Variants in TNFRSF11B observed in about 807,000 individuals in gnomAD.
The protein encoded by TNFRSF11B is TNF receptor superfamily member 11b.
In TNFRSF11B, 16 loss-of-function variants were observed where a neutral mutation model predicts 43.4. That is an observed-to-expected ratio of 0.37 (90% confidence interval 0.25 to 0.56). TNFRSF11B has a LOEUF of 0.56. Among genes scored for constraint, TNFRSF11B ranks in the 20% least tolerant of loss-of-function variants. The pLI is 0.80. For missense variants in TNFRSF11B, 444 were observed against 490.1 expected (o/e 0.91, Z 0.89); for synonymous variants, 185 against 181.8 (o/e 1.02, Z -0.14).
At chr8:118,939,566 G>A (rs141056192) in intron 1 of TNFRSF11B, among the ~76,000 whole-genome samples, 1 of 152,226 alleles carries the variant, frequency 6.6e-6, no homozygotes, top group Non-Finnish European at 1.5e-5. Context: ...GGAAGCAATC[G>A]AAGAGCACAT....
At position 118,933,028 on chromosome 8, in the gene TNFRSF11B, G is replaced by T. The variant is rs780363937; in HGVS notation, c.303C>A (p.His101Gln). Residue 101 changes from histidine to glutamine, a missense_variant, in exon 2 of 5, where the codon CAC becomes CAA. By Grantham distance (24) the His-to-Gln change is conservative. Coordinates refer to ENST00000297350, the MANE Select transcript of TNFRSF11B (RefSeq NM_002546.4). ...QYVKQECNRT[H>Q]NRVCECKEGR... The stretch of plus-strand genomic sequence containing the variant: ...CTTCCTTGCATTCGCACACGCGGTT[G>T]TGGGTGCGATTGCACTCCTGCTTGA... The T allele has an allele frequency of 6.2e-7, 1 of 1,614,176 alleles. No homozygotes were observed. The highest frequency in any genetic ancestry group is 1.1e-5 in the South Asian group (1 of 91,080).
chr8:118,924,301 G>A lies in TNFRSF11B; in HGVS notation c.*73C>T. On this transcript the variant is annotated 3_prime_UTR_variant, in exon 5 of 5. Coordinates refer to ENST00000297350, the MANE Select transcript of TNFRSF11B (RefSeq NM_002546.4). ...AGAAAGATATCACTGAAAGCCTCAA[G>A]TGCCTGAGAAACAGTTTACTCATCC... 6.4e-7 allele frequency: 1 copy of A among 1,558,730 alleles called. No individual in the cohort carries two copies. Among genetic ancestry groups the A allele is most frequent in the Non-Finnish European group, 8.8e-7 (1 of 1,134,010 alleles).
chr8:118,928,932 A>G lies in TNFRSF11B; in HGVS notation c.401-3T>C. 1 of 1,614,072 alleles carries G rather than the reference A, an allele frequency of 6.2e-7. No homozygotes were observed. The highest frequency in any genetic ancestry group is 1.1e-5 in the South Asian group (1 of 91,084). On this transcript the variant is annotated splice_region_variant and splice_polypyrimidine_tract_variant and intron_variant, in intron 2 of 4. Transcript: ENST00000297350. ...AACTGTATTTCGCTCTGGGGTTCCT[A>G]CAGAAAATACCAAGCAATTTAGTAC...
At chr8:118,929,511 C>T (rs905372142) in intron 2 of TNFRSF11B, among the ~76,000 whole-genome samples, 7 of 152,330 alleles carry the variant, frequency 4.6e-5, no homozygotes, top group African/African-American at 1.7e-4. Context: ...GACTCAAAAG[C>T]GTAAGCCTGC....
intron 1 of TNFRSF11B, among the ~76,000 whole-genome samples, chr8:118,943,504 GA>G (rs751945961): frequency 6.6e-6 from 1 of 151,986 alleles, no homozygotes; most frequent in African/African-American, 2.4e-5. Context: ...TTTTTTACTG[GA>G]CTCAGCTAAT....
At position 118,928,948 on chromosome 8, in the gene TNFRSF11B, A is replaced by C; in HGVS notation, c.401-19T>G. On this transcript the variant is annotated intron_variant, in intron 2 of 4. Transcript: ENST00000297350. The stretch of plus-strand genomic sequence containing the variant: ...GGGGTTCCTACAGAAAATACCAAGC[A>C]ATTTAGTACCTTCTCCTCAAATCGT... The C allele has an allele frequency of 6.2e-7, 1 of 1,612,124 alleles. No individual in the cohort carries two copies.
intron 1 of TNFRSF11B, among the ~76,000 whole-genome samples, chr8:118,944,019 T>G (rs1199447618): frequency 6.6e-6 from 1 of 151,564 alleles, no homozygotes; most frequent in African/African-American, 2.4e-5. Context: ...GAAGAAGGAG[T>G]TGAAGAATCT....
At chr8:118,930,656 C>T in intron 2 of TNFRSF11B, 1 of 398,036 alleles carries the variant, frequency 2.5e-6, no homozygotes, top group Non-Finnish European at 5.2e-6. Flanking sequence ...AGGTGATCTG[C>T]CCGCCTTGAC....
intron 1 of TNFRSF11B, among the ~76,000 whole-genome samples, chr8:118,944,479 C>T (rs749254817): frequency 2.0e-5 from 3 of 152,116 alleles, no homozygotes; most frequent in Non-Finnish European, 4.4e-5. Context: ...GGCTAGGATA[C>T]ACAATCCCAC....
At chr8:118,950,357 T>A (rs1366004977) in intron 1 of TNFRSF11B, among the ~76,000 whole-genome samples, 1 of 152,206 alleles carries the variant, frequency 6.6e-6, no homozygotes, top group Non-Finnish European at 1.5e-5. Flanking sequence ...TTCTATATCC[T>A]ACAGTAGAGA....
At chr8:118,927,027 A>T (rs1812254943) in intron 3 of TNFRSF11B, among the ~76,000 whole-genome samples, 1 of 152,240 alleles carries the variant, frequency 6.6e-6, no homozygotes, top group Non-Finnish European at 1.5e-5. Flanking sequence ...GAATACAAAC[A>T]TTAACATTCT....
At chr8:118,933,760 G>A (rs1217700683) in intron 1 of TNFRSF11B, among the ~76,000 whole-genome samples, 3 of 149,984 alleles carry the variant, frequency 2.0e-5, no homozygotes, top group African/African-American at 7.3e-5. Flanking sequence ...TGTGGGATTG[G>A]GCCTGGGGAT....
Position 118,924,187 on chromosome 8 carries a change from C to T in TNFRSF11B, c.*187G>A, listed in dbSNP as rs1812218541. 1 of 616,446 alleles carries T rather than the reference C, an allele frequency of 1.6e-6. No individual in the cohort carries two copies. Among genetic ancestry groups the T allele is most frequent in the South Asian group, 2.0e-5 (1 of 50,786 alleles). The allele number at this position is 616,446 out of a possible 1,614,324, so 38.2% of individuals were successfully genotyped here. On this transcript the variant is annotated 3_prime_UTR_variant, in exon 5 of 5. Coordinates refer to ENST00000297350, the MANE Select transcript of TNFRSF11B (RefSeq NM_002546.4). ...ATCCAGATCTGACAGTTGGATTAAC[C>T]ATTTGGGGTTTATTGGAGGAGATGT...
At chr8:118,947,647 T>C (rs574565769) in intron 1 of TNFRSF11B, among the ~76,000 whole-genome samples, 1 of 152,350 alleles carries the variant, frequency 6.6e-6, no homozygotes, top group Non-Finnish European at 1.5e-5. Context: ...CTCCATTTTA[T>C]ATACACACAC....
At chr8:118,944,464 C>T (rs972662214) in intron 1 of TNFRSF11B, among the ~76,000 whole-genome samples, 3 of 152,074 alleles carry the variant, frequency 2.0e-5, no homozygotes, top group South Asian at 2.1e-4. Context: ...CCATCCTCAC[C>T]AGGAGGCTAG....
At chr8:118,930,529 A>C in intron 2 of TNFRSF11B, 1 of 198,960 alleles carries the variant, frequency 5.0e-6, no homozygotes, top group South Asian at 6.8e-5. Context: ...CTCCTGTCTC[A>C]GCCTCCTGAG....
intron 1 of TNFRSF11B, among the ~76,000 whole-genome samples, chr8:118,942,720 AG>A (rs1782750968): frequency 6.6e-6 from 1 of 152,276 alleles, no homozygotes; most frequent in East Asian, 1.9e-4. Context: ...CGAATCTCAA[AG>A]AAGTTGAGTG....
chr8:118,951,752 C>T (rs746991056), intron 1 of TNFRSF11B, 40 bp downstream of exon 1: 3 of 1,567,854 alleles, frequency 1.9e-6, no homozygotes, highest in Non-Finnish European at 1.7e-6. Context: ...CAGCAGCCTC[C>T]CCAGGCGCCG....
intron 1 of TNFRSF11B, among the ~76,000 whole-genome samples, chr8:118,939,898 G>T (rs1359079942): frequency 6.6e-6 from 1 of 152,092 alleles, no homozygotes; most frequent in Non-Finnish European, 1.5e-5. Context: ...ATAAATATTT[G>T]GTGAGCTAGG....
Sources: allele counts gnomAD v4.1 joint callset (sites outside exome capture counted in the v4.1 genomes callset), GRCh38; gene constraint gnomAD v4.1.1; transcripts MANE v1.5; gene names NCBI Gene and HGNC (gene_info 2026-07-23, HGNC 2026-07-21).